Variants in COL17A1 observed in about 807,000 individuals in gnomAD.
COL17A1 encodes collagen type XVII alpha 1 chain, also known as collagen alpha-1(XVII) chain.
A neutral mutation model predicts 218.4 loss-of-function variants in COL17A1; 181 were observed. That is an observed-to-expected ratio of 0.83 (90% CI 0.73 to 0.94). COL17A1 has a LOEUF of 0.94. Ranked by LOEUF, COL17A1 falls within the 40% of genes least tolerant of loss-of-function variation. COL17A1 has a pLI of 0.00. For missense variants in COL17A1, 1,924 were observed against 1,945.9 expected, an observed-to-expected ratio of 0.99 and a Z score of 0.21; for synonymous variants, 721 against 731.0, an observed-to-expected ratio of 0.99 and a Z score of 0.22.
At chr10:104,063,544 G>C (rs920602549) in intron 11 of COL17A1, 14 of 750,924 alleles carry the variant, frequency 1.9e-5, no homozygotes, top group Non-Finnish European at 3.2e-5. Context: ...GCACGTCAAT[G>C]TGGGCTCACG....
chr10:104,051,464 A>C lies in COL17A1; in HGVS notation c.2038+17T>G. The C allele has an allele frequency of 6.2e-7, 1 of 1,614,064 alleles. No homozygotes were observed. The highest frequency in any genetic ancestry group is 8.5e-7 in the Non-Finnish European group (1 of 1,180,012). ...GCCCTGGAAACAGAACCTATTTACA[A>C]GAAGCAGCAAACTGACCTGGAGGGC... On this transcript the variant is annotated intron_variant, in intron 25 of 55. Coordinates refer to ENST00000648076, the MANE Select transcript of COL17A1 (RefSeq NM_000494.4).
chr10:104,037,814 G>C (rs767343472), intron 45 of COL17A1, 41 bp from the exon 46 acceptor site: 2 of 1,607,978 alleles, frequency 1.2e-6, no homozygotes, highest in South Asian at 2.2e-5. Context: ...CCTGTCCCAA[G>C]AGGACATGTT....
At chr10:104,038,278 ACACT>A in intron 45 of COL17A1, 124 bp downstream of exon 45, 11 of 791,900 alleles carry the variant, frequency 1.4e-5, no homozygotes, top group Non-Finnish European at 2.3e-5. Flanking sequence ...ACACACACAC[ACACT>A]CCCACTGCCC....
chr10:104,074,150 G>T, intron 6 of COL17A1, 34 bp downstream of exon 6: 2 of 1,613,962 alleles, frequency 1.2e-6, no homozygotes, highest in South Asian at 2.2e-5. Context: ...TGCCTCGTTT[G>T]ACCATTTCTT....
At position 104,036,132 on chromosome 10, in the gene COL17A1, A is replaced by AGTGTATGGGAGTGAGTG; in HGVS notation, c.3418+359_3418+360insCACTCACTCCCATACAC. On this transcript the variant is annotated intron_variant, in intron 48 of 55. Transcript: ENST00000648076. ...TGTGTGTGTATGGGAGTGTGTGTAT[A>AGTGTATGGGAGTGAGTG]TGTGTGTGTATGGGTGTATGGGAGT... Among the ~76,000 whole-genome samples the AGTGTATGGGAGTGAGTG allele has an allele frequency of 0.016, 4 of 246 alleles. 2 individuals carry two copies. In the South Asian group the frequency reaches 0.5, roughly 31 times the overall value. The allele number at this position is 246 out of a possible 152,430, so 0.2% of individuals were successfully genotyped here. A position where few individuals can be genotyped will look rare whatever the true frequency, so the allele number is the denominator to read the frequency against.
chr10:104,050,621 C>A lies in COL17A1; in HGVS notation c.2128G>T (p.Gly710Cys). 1 of 1,613,242 alleles carries A rather than the reference C, an allele frequency of 6.2e-7. No individual in the cohort carries two copies. The highest frequency in any genetic ancestry group is 8.5e-7 in the Non-Finnish European group (1 of 1,180,024). Residue 710 changes from glycine to cysteine, a missense_variant and splice_region_variant, in exon 27 of 56, where the codon GGT (glycine) becomes TGT (cysteine). Gly to Cys is a radical substitution (Grantham distance 159). Coordinates refer to ENST00000648076, the MANE Select transcript of COL17A1 (RefSeq NM_000494.4). ...GACAGAGCAGCAGTGAGTGGCATAC[C>A]TTTGGGTCCTGGTGGTCCCATTGGT... is the stretch of plus-strand genomic sequence containing the variant. ...KGPMGPPGPK[G>C]DQGEKGPRGL... is the part of the protein sequence containing the mutation.
chr10:104,069,794 G>A (rs2086654902), intron 9 of COL17A1, among the ~76,000 whole-genome samples: 3 of 151,866 alleles, frequency 2.0e-5, no homozygotes, highest in Admixed American at 2.0e-4. Flanking sequence ...ATTAAGACTT[G>A]AAAAGAAGAT....
chr10:104,063,172 G>A (rs762102822), intron 11 of COL17A1, among the ~76,000 whole-genome samples: 2 of 152,170 alleles, frequency 1.3e-5, no homozygotes, highest in African/African-American at 2.4e-5. Context: ...ACATGGAGAA[G>A]GCAGACTCCT....
rs1281600944 is a variant in COL17A1 at position 104,039,298 on chromosome 10, C to T, written c.2896+147G>A. 6 of 1,057,140 alleles carry T rather than the reference C, an allele frequency of 5.7e-6. No homozygotes were observed. The African/African-American group carries it at 9.3e-5, about 16-fold the overall frequency. 65.5% of individuals were successfully genotyped at this position (1,057,140 alleles called of 1,614,324 possible). A position where few individuals can be genotyped will look rare whatever the true frequency, so the allele number is the denominator to read the frequency against. On this transcript the variant is annotated intron_variant, in intron 43 of 55. Transcript: ENST00000648076. ...TATATCACCATGTCCTTGTCCCTTC[C>T]ACCCTCTGGCCTTTCCTTCCTCCAG...
chr10:104,048,131 A>G, intron 29 of COL17A1, 27 bp from the exon 30 acceptor site: 1 of 1,613,802 alleles, frequency 6.2e-7, no homozygotes, highest in Non-Finnish European at 8.5e-7. Flanking sequence ...AAGGTCTCTC[A>G]GTTGCTCCTG....
At position 104,038,390 on chromosome 10, in the gene COL17A1, G is replaced by A. The variant is rs776058630; in HGVS notation, c.3070+16C>T. 9.9e-6 allele frequency: 16 copies of A among 1,613,390 alleles called. No individual in the cohort carries two copies. In the African/African-American group the frequency reaches 1.7e-4, roughly 18 times the overall value. The stretch of plus-strand genomic sequence containing the variant: ...CATGTTCTTGTCCCCACGGCTTGCG[G>A]CGGCCAGCTACTCACTCTGCATGTA... On this transcript the variant is annotated intron_variant, in intron 45 of 55. Coordinates refer to ENST00000648076, the MANE Select transcript of COL17A1 (RefSeq NM_000494.4).
intron 15 of COL17A1, chr10:104,059,237 T>C (rs776488643): frequency 3.4e-6 from 1 of 291,982 alleles, no homozygotes. Flanking sequence ...GAGATTCCTA[T>C]AGGGCATCGT....
chr10:104,033,192 C>G, intron 53 of COL17A1, 46 bp downstream of exon 53: 1 of 1,565,500 alleles, frequency 6.4e-7, no homozygotes, highest in Non-Finnish European at 8.7e-7. Context: ...CCCGTGGGAA[C>G]CTATGCAGTG....
chr10:104,052,785 C>T (rs1181933236), intron 23 of COL17A1, among the ~76,000 whole-genome samples: 3 of 152,190 alleles, frequency 2.0e-5, no homozygotes, highest in African/African-American at 4.8e-5. Flanking sequence ...GGCCACTGCT[C>T]CTGTGACCAC....
chr10:104,039,343 C>CTT, intron 43 of COL17A1, 102 bp downstream of exon 43: 1 of 1,342,868 alleles, frequency 7.4e-7, no homozygotes, highest in Admixed American at 1.7e-5. Context: ...TCTCCCAAGA[C>CTT]TTTACACTGA....
rs150703896 is a variant in COL17A1, at chr10:104,032,731, G to A, written c.4381C>T (p.Pro1461Ser). The change falls in exon 55 of 56, where the codon CCA (proline) becomes TCA (serine). Residue 1461 changes from proline (P) to serine (S), a missense_variant. By Grantham distance (74) the Pro-to-Ser change is moderately conservative. Transcript: ENST00000648076. ...GGGCCAGGTGGCCCAGGATGACCTG[G>A]TGGCCCAGCAGGGCCCCTGTCACCT... ...PKGDRGPAGP[P>S]GHPGPPGPRG... The A allele has an allele frequency of 6.2e-7, 1 of 1,614,078 alleles. No individual in the cohort carries two copies. Among genetic ancestry groups the A allele is most frequent in the African/African-American group, 1.3e-5 (1 of 74,942 alleles).
chr10:104,063,697 A>G, intron 11 of COL17A1, 50 bp downstream of exon 11: 1 of 1,612,548 alleles, frequency 6.2e-7, no homozygotes. Flanking sequence ...GCATCCTAAC[A>G]CTTCTATGCA....
Position 104,072,080 on chromosome 10 carries a change from C to G in COL17A1, c.416-1G>C, listed in dbSNP as rs771751027. The stretch of plus-strand genomic sequence containing the variant: ...TGCAGTCGAACTCGAATTTCACTCT[C>G]TGTACAAGGGAAGAGATAGAGAAGG... On this transcript the variant is annotated splice_acceptor_variant, in intron 7 of 55. Transcript: ENST00000648076. LOFTEE classifies it high-confidence loss of function. 6.8e-6 allele frequency: 11 copies of G among 1,614,004 alleles called. No homozygotes were observed. The highest frequency in any genetic ancestry group is 1.3e-5 in the African/African-American group (1 of 74,894).
At chr10:104,040,578 ATGGATGGATGGATGGATGGATAGG>A (rs1314610180) in intron 39 of COL17A1, among the ~76,000 whole-genome samples, 168 bp from the exon 40 acceptor site, 37 of 151,248 alleles carry the variant, frequency 2.4e-4, no homozygotes, top group Admixed American at 5.2e-4. Context: ...GGGTGGATGG[ATGGATGGATGGATGGATGGATAGG>A]TGGATGGATG....
Sources: gnomAD v4.1 joint callset for allele counts (sites outside exome capture counted in the v4.1 genomes callset) on GRCh38, gnomAD v4.1.1 for gene constraint, MANE v1.5 for transcripts, NCBI Gene and HGNC (gene_info 2026-07-23, HGNC 2026-07-21) for gene names.